KCNH1: variants seen among roughly 807,000 people sequenced by gnomAD.
The protein encoded by KCNH1 is potassium voltage-gated channel subfamily H member 1.
Under a neutral mutation model 69.2 loss-of-function variants are expected in KCNH1, and 27 were observed. The observed-to-expected ratio is 0.39, with a 90% CI of 0.29 to 0.54. The LOEUF is 0.54. KCNH1 is among the 20% of genes least tolerant of loss of function. The pLI is 0.68. For missense variants in KCNH1, 798 were observed against 1,261.6 expected (o/e 0.63, Z 5.57); for synonymous variants, 456 against 487.7 (o/e 0.93, Z 0.86).
At chr1:210,714,674 T>A (rs940425151) in intron 10 of KCNH1, among the ~76,000 whole-genome samples, 1 of 152,212 alleles carries the variant, frequency 6.6e-6, no homozygotes, top group Non-Finnish European at 1.5e-5. Context: ...GTGCTATTGC[T>A]GGAGACGTAA....
intron 7 of KCNH1, among the ~76,000 whole-genome samples, chr1:210,817,092 C>T (rs1684832553): frequency 6.6e-6 from 1 of 152,132 alleles, no homozygotes; most frequent in Non-Finnish European, 1.5e-5. Context: ...AATTGGAATC[C>T]TTTAGTTGCT....
Position 211,133,716 on chromosome 1 carries a change from C to T in KCNH1, c.79+151G>A, listed in dbSNP as rs1691919514. ...GCCCCGCCCTGCCCACCTTTCTCTG[C>T]CTCGGGGAGGCTGCCCTGGGTGCCC... is the stretch of plus-strand genomic sequence containing the variant. On this transcript the variant is annotated intron_variant, in intron 1 of 10. Transcript: ENST00000271751. The surrounding 1 kb of genome is among the most constrained non-coding windows in gnomAD (Gnocchi z 5.4). 1.5e-6 allele frequency: 1 copy of T among 664,212 alleles called. No individual in the cohort carries two copies. The highest frequency in any genetic ancestry group is 1.8e-5 in the South Asian group (1 of 54,472). The allele number at this position is 664,212 out of a possible 1,614,324, so 41.1% of individuals were successfully genotyped here.
Position 211,019,211 on chromosome 1 carries a change from C to A in KCNH1, c.604G>T (p.Ala202Ser). 6.2e-7 allele frequency: 1 copy of A among 1,612,258 alleles called. No homozygotes were observed. Among genetic ancestry groups the A allele is most frequent in the Non-Finnish European group, 8.5e-7 (1 of 1,179,750 alleles). Reference sequence around the variant, plus strand: ...ATGATGTGAGGGGGAGTCTTTGGTGCCTCTTGCTTGTACTGGGGAAGGATG... The same window carrying A: ...ATGATGTGAGGGGGAGTCTTTGGTGACTCTTGCTTGTACTGGGGAAGGATG... ...SDILPQYKQE[A>S]PKTPPHIILH... Residue 202 changes from alanine to serine, a missense_variant, in exon 6 of 11, where the codon GCA (alanine) becomes TCA (serine). This residue lies in a region of KCNH1 where 266 missense variants were observed against 457.2 expected (regional missense o/e 0.58). Transcript: ENST00000271751.
chr1:210,691,116 T>C (rs953754064), intron 10 of KCNH1, among the ~76,000 whole-genome samples: 7 of 152,220 alleles, frequency 4.6e-5, no homozygotes, highest in Non-Finnish European at 7.3e-5. Flanking sequence ...GTGCTTGACT[T>C]TAATAGTTGC....
intron 10 of KCNH1, among the ~76,000 whole-genome samples, chr1:210,722,179 TC>T (rs1323723986): frequency 1.3e-5 from 2 of 152,156 alleles, no homozygotes; most frequent in East Asian, 3.9e-4. Context: ...GCCTAGAAAG[TC>T]CCCCCATTCT....
At chr1:210,764,063 C>T (rs1683573177) in intron 10 of KCNH1, among the ~76,000 whole-genome samples, 1 of 151,972 alleles carries the variant, frequency 6.6e-6, no homozygotes. Context: ...TGAAATGAAG[C>T]CACACACCTA....
At chr1:210,861,078 G>T in intron 7 of KCNH1, 1 of 909,080 alleles carries the variant, frequency 1.1e-6, no homozygotes, top group Admixed American at 1.8e-5. Flanking sequence ...CTCTTACTAT[G>T]GGCTGTAAAC....
At position 211,018,782 on chromosome 1, in the gene KCNH1, C is replaced by T. The variant is rs754183146; in HGVS notation, c.1032+1G>A. 6 of 1,596,176 alleles carry T rather than the reference C, an allele frequency of 3.8e-6. No homozygotes were observed. Among genetic ancestry groups the T allele is most frequent in the Non-Finnish European group, 4.3e-6 (5 of 1,170,262 alleles). On this transcript the variant is annotated splice_donor_variant, in intron 6 of 10. Transcript: ENST00000271751. LOFTEE classifies it high-confidence loss of function. Reference sequence around the variant, plus strand: ...CAAGGTCTGAGATTTGAGGGATGTACCTGACTCTCTCTCCCCTCCAGTGGT... The same window carrying T: ...CAAGGTCTGAGATTTGAGGGATGTATCTGACTCTCTCTCCCCTCCAGTGGT...
intron 5 of KCNH1, among the ~76,000 whole-genome samples, chr1:211,073,081 T>C (rs373378616): frequency 7.2e-5 from 11 of 152,284 alleles, no homozygotes; most frequent in African/African-American, 2.6e-4. Flanking sequence ...AGTAGCTGTA[T>C]TAATTTCAGA....
At chr1:210,993,834 T>C (rs1688976340) in intron 6 of KCNH1, among the ~76,000 whole-genome samples, 1 of 152,118 alleles carries the variant, frequency 6.6e-6, no homozygotes. Context: ...GAGAACAAGA[T>C]TTGTTCTCTC....
intron 9 of KCNH1, among the ~76,000 whole-genome samples, chr1:210,783,742 C>T (rs562094377): frequency 6.6e-6 from 1 of 152,300 alleles, no homozygotes; most frequent in Admixed American, 6.5e-5. Flanking sequence ...CACACCAGCC[C>T]TCTTACACCT....
At position 210,779,728 on chromosome 1, in the gene KCNH1, G is replaced by GA. The variant is rs769886745; in HGVS notation, c.1916-4185dup. ...ATTCTAAATGGACATTCTGAGCTGG[G>GA]AAAAAAAAAAGAAGGAAGTAAGGAA... On this transcript the variant is annotated intron_variant, in intron 9 of 10. Coordinates refer to ENST00000271751, the MANE Select transcript of KCNH1 (RefSeq NM_172362.3). Among the ~76,000 whole-genome samples, 338 of 147,820 alleles carry GA rather than the reference G, an allele frequency of 2.3e-3. 2 individuals carry two copies. Among genetic ancestry groups the GA allele is most frequent in the Middle Eastern group, 0.01 (3 of 286 alleles).
chr1:210,872,683 C>A (rs887586721), intron 7 of KCNH1, among the ~76,000 whole-genome samples: 4 of 152,046 alleles, frequency 2.6e-5, no homozygotes, highest in Non-Finnish European at 5.9e-5. Flanking sequence ...AGGTGCTACA[C>A]ACTTATAAAC....
intron 5 of KCNH1, among the ~76,000 whole-genome samples, chr1:211,037,158 G>A (rs1249538748): frequency 1.3e-5 from 2 of 152,146 alleles, no homozygotes. Flanking sequence ...CTGTGAGGGA[G>A]TTCTACAGAT....
intron 6 of KCNH1, among the ~76,000 whole-genome samples, chr1:210,939,203 G>A (rs775011733): frequency 6.6e-6 from 1 of 152,110 alleles, no homozygotes; most frequent in African/African-American, 2.4e-5. Flanking sequence ...TGACAAACAA[G>A]ACCAAAATCC....
chr1:211,079,673 C>A (rs1273792117), intron 5 of KCNH1, among the ~76,000 whole-genome samples: 1 of 152,158 alleles, frequency 6.6e-6, no homozygotes, highest in Non-Finnish European at 1.5e-5. Context: ...ATATGCAAAT[C>A]AATAAACATA....
chr1:211,097,519 A>C (rs1006398591), intron 3 of KCNH1, among the ~76,000 whole-genome samples: 1 of 152,386 alleles, frequency 6.6e-6, no homozygotes, highest in Non-Finnish European at 1.5e-5. Flanking sequence ...ATTTACAATC[A>C]ATATTCATTA....
chr1:210,881,060 C>G (rs1315788204), intron 7 of KCNH1, among the ~76,000 whole-genome samples: 1 of 151,410 alleles, frequency 6.6e-6, no homozygotes, highest in African/African-American at 2.4e-5. Context: ...CTCTGTCACC[C>G]AGGCTGGAGT....
chr1:210,687,142 T>G (rs942204252), intron 10 of KCNH1, among the ~76,000 whole-genome samples: 1 of 152,216 alleles, frequency 6.6e-6, no homozygotes, highest in Admixed American at 6.5e-5. Flanking sequence ...CTAAGACTTA[T>G]GAAAAGGAAG....
Sources: gnomAD v4.1 joint callset for allele counts (sites outside exome capture counted in the v4.1 genomes callset) on GRCh38, gnomAD v4.1.1 for gene constraint, gnomAD v4.1.1 regional missense constraint, Gnocchi (gnomAD v3.1) non-coding constraint, MANE v1.5 for transcripts, NCBI Gene and HGNC (gene_info 2026-07-23, HGNC 2026-07-21) for gene names.